FHIT: variants seen among roughly 807,000 people sequenced by gnomAD.
FHIT encodes fragile histidine triad diadenosine triphosphatase, also known as bis(5'-adenosyl)-triphosphatase.
FHIT carries 19 observed loss-of-function variants against 17.9 expected under a neutral mutation model. The observed-to-expected ratio is 1.06, with a 90% CI of 0.74 to 1.56. The LOEUF (loss-of-function observed/expected upper bound fraction) is 1.56. Among genes scored for constraint, FHIT ranks in the 40% most tolerant of loss-of-function variants. The pLI, the probability that FHIT is intolerant of heterozygous loss-of-function variation, is 0.00. For synonymous variants in FHIT, 81 were observed against 69.7 expected (o/e 1.16, Z -0.81); for missense variants, 248 against 189.2 (o/e 1.31, Z -1.82).
intron 4 of FHIT, among the ~76,000 whole-genome samples, chr3:60,548,397 C>T (rs986873425): frequency 2.0e-5 from 3 of 152,010 alleles, no homozygotes; most frequent in African/African-American, 7.2e-5. Context: ...ACAATAAATA[C>T]AAACTTTTTG....
intron 4 of FHIT, among the ~76,000 whole-genome samples, chr3:60,691,765 C>T (rs1437716357): frequency 3.3e-5 from 5 of 152,098 alleles, no homozygotes; most frequent in Non-Finnish European, 7.4e-5. Context: ...TTGACTAATC[C>T]ATCTCCTTTT....
At chr3:60,944,680 G>T (rs1224672683) in intron 3 of FHIT, among the ~76,000 whole-genome samples, 1 of 152,178 alleles carries the variant, frequency 6.6e-6, no homozygotes, top group African/African-American at 2.4e-5. Context: ...ACATGTAAAT[G>T]ATGCGTTTAT....
At chr3:61,016,636 A>G (rs2032122061) in intron 3 of FHIT, among the ~76,000 whole-genome samples, 2 of 152,236 alleles carry the variant, frequency 1.3e-5, no homozygotes, top group Admixed American at 1.3e-4. Context: ...GGGAAATGTA[A>G]TTTGTAGCAT....
At chr3:61,010,709 A>G (rs1472972624) in intron 3 of FHIT, among the ~76,000 whole-genome samples, 2 of 152,218 alleles carry the variant, frequency 1.3e-5, no homozygotes, top group African/African-American at 4.8e-5. Flanking sequence ...AAATGTATTT[A>G]AAGTCCCTTC....
chr3:60,767,062 C>G (rs1366410637), intron 4 of FHIT, among the ~76,000 whole-genome samples: 2 of 152,166 alleles, frequency 1.3e-5, no homozygotes, highest in Non-Finnish European at 1.5e-5. Flanking sequence ...TCATCGCTGA[C>G]CCATTTGGCT....
At chr3:60,701,011 T>A (rs2041232637) in intron 4 of FHIT, among the ~76,000 whole-genome samples, 1 of 152,154 alleles carries the variant, frequency 6.6e-6, no homozygotes, top group Non-Finnish European at 1.5e-5. Context: ...AATTTTTAGA[T>A]TTTTATTGTA....
chr3:60,176,157 G>C (rs1252741816), intron 5 of FHIT, among the ~76,000 whole-genome samples: 1 of 152,176 alleles, frequency 6.6e-6, no homozygotes, highest in East Asian at 1.9e-4. Context: ...TTAGAGACCA[G>C]CCTGGCCAAC....
At chr3:59,760,007 C>A (rs1487963477) in intron 8 of FHIT, among the ~76,000 whole-genome samples, 1 of 152,196 alleles carries the variant, frequency 6.6e-6, no homozygotes, top group Non-Finnish European at 1.5e-5. Flanking sequence ...TATGTGCAAA[C>A]AAATTACCTT....
At chr3:59,772,616 C>T (rs2106838690) in intron 8 of FHIT, among the ~76,000 whole-genome samples, 1 of 152,330 alleles carries the variant, frequency 6.6e-6, no homozygotes. Flanking sequence ...CTCTCGTAAC[C>T]ACTGTGCATA....
chr3:60,789,961 A>G, intron 4 of FHIT, among the ~76,000 whole-genome samples: 1 of 152,212 alleles, frequency 6.6e-6, no homozygotes, highest in East Asian at 1.9e-4. Flanking sequence ...GTGTAGCGTC[A>G]AAAAGGTCAC....
chr3:60,905,904 TAGTTTTGACTTGAACCAGGTA>T (rs1166680630), intron 3 of FHIT, among the ~76,000 whole-genome samples: 39 of 152,278 alleles, frequency 2.6e-4, no homozygotes, highest in East Asian at 2.1e-3. Context: ...TTTTTTTTTC[TAGTTTTGACTTGAACCAGGTA>T]AGTTTTGACT....
intron 2 of FHIT, among the ~76,000 whole-genome samples, chr3:61,187,835 A>C (rs2038569982): frequency 6.6e-6 from 1 of 152,182 alleles, no homozygotes; most frequent in East Asian, 1.9e-4. Flanking sequence ...GTGACTACTG[A>C]GTACATCACG....
intron 4 of FHIT, among the ~76,000 whole-genome samples, chr3:60,691,567 A>G (rs941606220): frequency 9.9e-5 from 15 of 152,048 alleles, no homozygotes; most frequent in South Asian, 4.2e-4. Context: ...ACAGGTTTAC[A>G]TGTTGCCCAG....
At chr3:59,873,782 C>T (rs1703029176) in intron 8 of FHIT, among the ~76,000 whole-genome samples, 2 of 152,126 alleles carry the variant, frequency 1.3e-5, no homozygotes, top group South Asian at 2.1e-4. Context: ...GCCCAATTTA[C>T]ACCCACTGTC....
At chr3:60,835,383 A>G (rs1305459498) in intron 3 of FHIT, among the ~76,000 whole-genome samples, 1 of 152,176 alleles carries the variant, frequency 6.6e-6, no homozygotes, top group Non-Finnish European at 1.5e-5. Flanking sequence ...ATTTATTTAC[A>G]TTTTTAAAAT....
chr3:61,103,156 T>C (rs948338974), intron 2 of FHIT, among the ~76,000 whole-genome samples: 8 of 141,426 alleles, frequency 5.7e-5, no homozygotes, highest in Non-Finnish European at 1.1e-4. Flanking sequence ...AGAGTGTCAA[T>C]TTTATATCTT....
At chr3:60,306,751 A>C (rs1383020965) in intron 5 of FHIT, among the ~76,000 whole-genome samples, 1 of 152,178 alleles carries the variant, frequency 6.6e-6, no homozygotes, top group Non-Finnish European at 1.5e-5. Flanking sequence ...AACACATTAC[A>C]TGATTTTACA....
At chr3:60,613,682 C>A in intron 4 of FHIT, among the ~76,000 whole-genome samples, 1 of 151,994 alleles carries the variant, frequency 6.6e-6, no homozygotes, top group East Asian at 1.9e-4. Context: ...TTCAGTCATT[C>A]CTACATTTCC....
chr3:60,440,238 C>G (rs1048908542), intron 5 of FHIT, among the ~76,000 whole-genome samples: 2 of 152,116 alleles, frequency 1.3e-5, no homozygotes, highest in Admixed American at 1.3e-4. Flanking sequence ...TAACTGGTAT[C>G]TTCCCAGTCA....
Sources: allele counts gnomAD v4.1 joint callset (sites outside exome capture counted in the v4.1 genomes callset), GRCh38; gene constraint gnomAD v4.1.1; transcripts MANE v1.5; gene names NCBI Gene and HGNC (gene_info 2026-07-23, HGNC 2026-07-21).